Variants in MTR observed in about 807,000 individuals in gnomAD.
MTR encodes the protein 5-methyltetrahydrofolate-homocysteine methyltransferase.
MTR carries 84 observed loss-of-function variants against 154.8 expected under a neutral mutation model. That is an observed-to-expected ratio of 0.54 (90% CI 0.45 to 0.65). The LOEUF is 0.65. Among genes scored for constraint, MTR ranks in the 30% least tolerant of loss-of-function variants. MTR has a pLI of 0.00. For synonymous variants in MTR, 554 were observed against 553.9 expected (o/e 1.00, Z 0.00); for missense variants, 1,275 against 1,570.2 (o/e 0.81, Z 3.18).
chr1:236,866,340 A>G (rs1442684848), intron 22 of MTR, among the ~76,000 whole-genome samples: 1 of 152,174 alleles, frequency 6.6e-6, no homozygotes, highest in African/African-American at 2.4e-5. Flanking sequence ...GTTTTGGGGT[A>G]CCATGAACCA....
chr1:236,851,668 A>G (rs1182335840), intron 16 of MTR, among the ~76,000 whole-genome samples: 1 of 152,224 alleles, frequency 6.6e-6, no homozygotes, highest in Non-Finnish European at 1.5e-5. Context: ...AAAGAACATA[A>G]CTACCACAAA....
At chr1:236,884,874 A>G (rs1238954489) in intron 25 of MTR, among the ~76,000 whole-genome samples, 1 of 152,168 alleles carries the variant, frequency 6.6e-6, no homozygotes, top group African/African-American at 2.4e-5. Flanking sequence ...GGCTGTCCCA[A>G]GGGTTTAGAG....
intron 1 of MTR, among the ~76,000 whole-genome samples, chr1:236,798,190 C>T (rs2102993773): frequency 6.6e-6 from 1 of 152,222 alleles, no homozygotes; most frequent in Middle Eastern, 3.4e-3. Flanking sequence ...TATGTGTTCC[C>T]CATTTAGCAC....
At chr1:236,812,913 G>T in intron 6 of MTR, 69 bp downstream of exon 6, 1 of 1,160,080 alleles carries the variant, frequency 8.6e-7, no homozygotes, top group Non-Finnish European at 1.3e-6. Flanking sequence ...AATGTAGGGA[G>T]AAGATAATAT....
chr1:236,852,635 A>G lies in MTR; in HGVS notation c.1810A>G (p.Lys604Glu), dbSNP rs1438404808. The change falls in exon 17 of 33, where the codon AAG becomes GAG. Residue 604 changes from lysine (K) to glutamate (E), a missense_variant and splice_region_variant. Coordinates refer to ENST00000366577, the MANE Select transcript of MTR (RefSeq NM_000254.3). Reference protein sequence around the residue: ...MHGVFLYHAIKSGMDMGIVNA... With the variant: ...MHGVFLYHAIESGMDMGIVNA... ...TGGGGTTTTCCTTTACCATGCAATC[A>G]AGGTATGGTAGAAGAACTCTTAGCC... The G allele has an allele frequency of 4.3e-6, 7 of 1,612,186 alleles. No homozygotes were observed. In the South Asian group the frequency reaches 4.4e-5, roughly 10 times the overall value.
rs79521755 is a variant in MTR, at chr1:236,886,043, C to G, written c.2776-249C>G. On this transcript the variant is annotated intron_variant, in intron 26 of 32. Coordinates refer to ENST00000366577, the MANE Select transcript of MTR (RefSeq NM_000254.3). ...CACCCCTAGTACCTCAGGTTCAGGC[C>G]GCAGAACTAGGCTCGTATTTATATA... Among the ~76,000 whole-genome samples the G allele has an allele frequency of 9.3e-4, 142 of 152,218 alleles. 4 individuals carry two copies. In the East Asian group the frequency reaches 0.024, roughly 25 times the overall value.
At chr1:236,857,366 A>G (rs1664268298) in intron 18 of MTR, among the ~76,000 whole-genome samples, 1 of 152,200 alleles carries the variant, frequency 6.6e-6, no homozygotes, top group Non-Finnish European at 1.5e-5. Flanking sequence ...ATCAAGGACT[A>G]TTAAAATATT....
At chr1:236,862,370 G>T (rs779100961) in intron 21 of MTR, 27 bp downstream of exon 21, 2 of 1,581,254 alleles carry the variant, frequency 1.3e-6, no homozygotes, top group African/African-American at 2.7e-5. Flanking sequence ...AGGCCTATGG[G>T]CCTTTAGTGG....
At chr1:236,820,372 G>C in intron 8 of MTR, 1 of 785,196 alleles carries the variant, frequency 1.3e-6, no homozygotes, top group East Asian at 2.4e-5. Context: ...TGAGGTTGCA[G>C]ATTGGTCTGA....
At chr1:236,831,478 G>A (rs1181154974) in intron 12 of MTR, among the ~76,000 whole-genome samples, 1 of 152,098 alleles carries the variant, frequency 6.6e-6, no homozygotes, top group African/African-American at 2.4e-5. Context: ...TTGATTATGG[G>A]TTCTAGGCCT....
At chr1:236,802,414 G>T (rs1050271681) in intron 1 of MTR, among the ~76,000 whole-genome samples, 3 of 152,090 alleles carry the variant, frequency 2.0e-5, no homozygotes, top group African/African-American at 7.2e-5. Flanking sequence ...TGGTGGAGGA[G>T]GAAGCCATGT....
intron 2 of MTR, among the ~76,000 whole-genome samples, chr1:236,805,010 G>A (rs1484386480): frequency 6.6e-6 from 1 of 151,956 alleles, no homozygotes; most frequent in African/African-American, 2.4e-5. Context: ...GTAATAAAGT[G>A]GATATATTTT....
At position 236,837,963 on chromosome 1, in the gene MTR, T is replaced by C. The variant is rs553114671; in HGVS notation, c.1330-451T>C. On this transcript the variant is annotated intron_variant, in intron 14 of 32. Coordinates refer to ENST00000366577, the MANE Select transcript of MTR (RefSeq NM_000254.3). ...ATTAAAACTCTTTTTTTGTTTTTTT[T>C]CAGTAAAGAACTTGATTTTCTAAAG... Among the ~76,000 whole-genome samples, 39 of 152,356 alleles carry C rather than the reference T, an allele frequency of 2.6e-4. No homozygotes were observed. The South Asian group carries it at 7.0e-3, about 27-fold the overall frequency.
At chr1:236,801,771 G>C (rs549758563) in intron 1 of MTR, among the ~76,000 whole-genome samples, 133 of 152,190 alleles carry the variant, frequency 8.7e-4, no homozygotes, top group Non-Finnish European at 1.7e-3. Flanking sequence ...TTTGTTTTGA[G>C]TAACATGTAT....
Position 236,815,899 on chromosome 1 carries a change from G to A in MTR, c.669+236G>A, listed in dbSNP as rs368174376. Among the ~76,000 whole-genome samples, 83 of 152,268 alleles carry A rather than the reference G, an allele frequency of 5.5e-4. No individual in the cohort carries two copies. The East Asian group carries it at 0.015, about 28-fold the overall frequency. ...ATGGAAGGCAAACTGTTCAAAAGAA[G>A]CCCACTGTATTGGTCCTTGAAGCCA... On this transcript the variant is annotated intron_variant, in intron 7 of 32. Coordinates refer to ENST00000366577, the MANE Select transcript of MTR (RefSeq NM_000254.3).
chr1:236,841,916 G>A (rs1663261848), intron 15 of MTR, among the ~76,000 whole-genome samples: 1 of 147,392 alleles, frequency 6.8e-6, no homozygotes, highest in Admixed American at 6.8e-5. Context: ...TTTTTGAGAC[G>A]GAGTCTCGCT....
At chr1:236,869,875 C>G (rs1665029778) in intron 22 of MTR, among the ~76,000 whole-genome samples, 1 of 152,202 alleles carries the variant, frequency 6.6e-6, no homozygotes, top group African/African-American at 2.4e-5. Context: ...TTTCCTTCAG[C>G]TAATACCCAC....
In MTR at chr1:236,821,889, G is replaced by T. The variant is rs534804668; in HGVS notation, c.765-2230G>T. 2.5e-4 allele frequency among the ~76,000 whole-genome samples: 38 copies of T among 152,252 alleles called. No homozygotes were observed. The South Asian group carries it at 7.7e-3, about 31-fold the overall frequency. On this transcript the variant is annotated intron_variant, in intron 8 of 32. Coordinates refer to ENST00000366577, the MANE Select transcript of MTR (RefSeq NM_000254.3). ...ATGTATTTGTGTGGTTCTATTTCTG[G>T]ACTCTATTCTGTTTCATTAATCTAT...
chr1:236,869,667 G>C (rs1386501542), intron 22 of MTR, among the ~76,000 whole-genome samples: 1 of 152,164 alleles, frequency 6.6e-6, no homozygotes, highest in East Asian at 1.9e-4. Context: ...GGAGAGTCAA[G>C]GAAGATGGGG....
Sources: gnomAD v4.1 joint callset for allele counts (sites outside exome capture counted in the v4.1 genomes callset) on GRCh38, gnomAD v4.1.1 for gene constraint, MANE v1.5 for transcripts, NCBI Gene and HGNC (gene_info 2026-07-23, HGNC 2026-07-21) for gene names.